Variants in PHACTR4 observed in about 807,000 individuals in gnomAD.
PHACTR4 encodes phosphatase and actin regulator 4, also known as protein phosphatase 1, regulatory subunit 124.
In PHACTR4, 51 loss-of-function variants were observed where a neutral mutation model predicts 72.7. The observed-to-expected ratio is 0.70, with a 90% CI of 0.56 to 0.89. PHACTR4 has a LOEUF of 0.89. PHACTR4 is among the 40% of genes least tolerant of loss of function. The probability of loss-of-function intolerance (pLI) is 0.00; values close to 1 mark genes in which losing one functional copy is unlikely to be tolerated. For missense variants in PHACTR4, 731 were observed against 861.8 expected, an observed-to-expected ratio of 0.85 and a Z score of 1.90; for synonymous variants, 255 against 302.5, an observed-to-expected ratio of 0.84 and a Z score of 1.63.
chr1:28,436,476 C>A (rs1021605009), intron 2 of PHACTR4, among the ~76,000 whole-genome samples: 1 of 151,992 alleles, frequency 6.6e-6, no homozygotes, highest in Non-Finnish European at 1.5e-5. Flanking sequence ...CAGGATTTGA[C>A]CTTACTAGCC....
At chr1:28,490,786 T>C (rs1240366211) in intron 10 of PHACTR4, among the ~76,000 whole-genome samples, 165 bp from the exon 11 acceptor site, 2 of 150,894 alleles carry the variant, frequency 1.3e-5, no homozygotes, top group Non-Finnish European at 2.9e-5. Flanking sequence ...GAGGTTGCAG[T>C]GAGCCAAGAT....
chr1:28,398,964 T>C, intron 1 of PHACTR4, among the ~76,000 whole-genome samples: 1 of 152,164 alleles, frequency 6.6e-6, no homozygotes. Flanking sequence ...ATACAGAAGG[T>C]ATTCCGGAAG....
intron 1 of PHACTR4, among the ~76,000 whole-genome samples, chr1:28,388,210 A>G (rs140176466): frequency 5.8e-4 from 88 of 152,186 alleles, no homozygotes; most frequent in African/African-American, 2.1e-3. Flanking sequence ...CCAAAAAAAG[A>G]TGTCACATAA....
intron 8 of PHACTR4, among the ~76,000 whole-genome samples, chr1:28,479,759 G>A (rs1660160074): frequency 1.3e-5 from 2 of 151,540 alleles, no homozygotes; most frequent in South Asian, 4.2e-4. Context: ...TGGGCGTGGT[G>A]ACCCACGCCT....
In PHACTR4 at chr1:28,480,602, C is replaced by T; in HGVS notation, c.1758C>T (p.Ile586=). The change falls in exon 9 of 14, where the codon ATC becomes ATT. Residue 586 remains isoleucine (I), a splice_region_variant and synonymous_variant. Transcript: ENST00000373839. ...GGCACCAGATTGGAAACACACTGAT[C>T]CGGTAGGCCTTTGCTTAGATTTGCT... ...EIRHQIGNTL[I]RRLSQRPTPE... The T allele has an allele frequency of 6.2e-7, 1 of 1,613,992 alleles. No individual in the cohort carries two copies. The highest frequency in any genetic ancestry group is 8.5e-7 in the Non-Finnish European group (1 of 1,179,944).
At chr1:28,419,569 A>G (rs1452351102) in intron 2 of PHACTR4, among the ~76,000 whole-genome samples, 2 of 151,956 alleles carry the variant, frequency 1.3e-5, no homozygotes, top group African/African-American at 4.8e-5. Context: ...CAGCCTGCCG[A>G]GTAGCTGGGA....
chr1:28,452,641 C>T (rs1004671500), intron 2 of PHACTR4, among the ~76,000 whole-genome samples: 2 of 150,766 alleles, frequency 1.3e-5, no homozygotes, highest in Non-Finnish European at 3.0e-5. Flanking sequence ...CTCATCTCTA[C>T]TAAGATTAGC....
Position 28,496,734 on chromosome 1 carries a change from C to G in PHACTR4, c.*185C>G. ...AGAGTCTTATGTGCTGCACCGGGGGCAAAACAACACTTTGTCAGTGCTTTT... is the reference window on the plus strand; with the variant it reads ...AGAGTCTTATGTGCTGCACCGGGGGGAAAACAACACTTTGTCAGTGCTTTT... On this transcript the variant is annotated 3_prime_UTR_variant, in exon 14 of 14. Coordinates refer to ENST00000373839, the MANE Select transcript of PHACTR4 (RefSeq NM_001048183.3). 1 of 664,642 alleles carries G rather than the reference C, an allele frequency of 1.5e-6. No homozygotes were observed. The allele number at this position is 664,642 out of a possible 1,614,324, so 41.2% of individuals were successfully genotyped here.
At chr1:28,473,361 A>T (rs181257950) in intron 6 of PHACTR4, among the ~76,000 whole-genome samples, 193 bp from the exon 7 acceptor site, 2 of 152,056 alleles carry the variant, frequency 1.3e-5, no homozygotes, top group African/African-American at 4.8e-5. Context: ...ACCTCTGTAC[A>T]TTTATTAAGC....
chr1:28,479,713 G>A (rs891822175), intron 8 of PHACTR4, among the ~76,000 whole-genome samples: 10 of 151,260 alleles, frequency 6.6e-5, no homozygotes, highest in African/African-American at 2.2e-4. Flanking sequence ...AACGAAACCC[G>A]AAACCCGGTG....
intron 2 of PHACTR4, among the ~76,000 whole-genome samples, chr1:28,433,462 C>CTTTTTTTTTTTTTTTTCT (rs567134987): frequency 7.7e-6 from 1 of 130,532 alleles, no homozygotes; most frequent in Admixed American, 8.1e-5. Context: ...TTCTTTTTTT[C>CTTTTTTTTTTTTTTTTCT]TTTTTTTTTT....
chr1:28,373,679 G>T (rs879410924), intron 1 of PHACTR4, among the ~76,000 whole-genome samples: 1 of 152,142 alleles, frequency 6.6e-6, no homozygotes, highest in Admixed American at 6.5e-5. Context: ...TCTCACCTCA[G>T]CCTCCCAAAG....
rs35369238 is a variant in PHACTR4 at position 28,476,772 on chromosome 1, C to CTTTTTTTTTTTTTTTTTTT, written c.1606+496_1606+497insTTTTTTTTTTTTTTTTTTT. Among the ~76,000 whole-genome samples the CTTTTTTTTTTTTTTTTTTT allele has an allele frequency of 3.3e-3, 329 of 98,324 alleles. 60 individuals carry two copies. The highest frequency in any genetic ancestry group is 6.3e-3 in the Middle Eastern group (1 of 158). The allele number at this position is 98,324 out of a possible 152,430, so 64.5% of individuals were successfully genotyped here. A position where few individuals can be genotyped will look rare whatever the true frequency, so the allele number is the denominator to read the frequency against. On this transcript the variant is annotated intron_variant, in intron 8 of 13. Transcript: ENST00000373839. ...GTCTCGTTAGGTTGCCTAGCCTGTTCTTTTTTTTTTTTTTTGAGACGGAGT... is the reference window on the plus strand; with the variant it reads ...GTCTCGTTAGGTTGCCTAGCCTGTTCTTTTTTTTTTTTTTTTTTTTTTTTTTTTTTTTTTGAGACGGAGT...
At chr1:28,477,029 C>G (rs1326471884) in intron 8 of PHACTR4, among the ~76,000 whole-genome samples, 1 of 151,218 alleles carries the variant, frequency 6.6e-6, no homozygotes, top group African/African-American at 2.4e-5. Context: ...CTCGGCCTCC[C>G]AAAGTGCTGG....
chr1:28,495,207 T>C (rs2124563777), intron 13 of PHACTR4, among the ~76,000 whole-genome samples: 1 of 152,334 alleles, frequency 6.6e-6, no homozygotes, highest in African/African-American at 2.4e-5. Context: ...ATAGGTATAG[T>C]GCTAGGTCCT....
At chr1:28,483,327 G>A (rs985335143) in intron 9 of PHACTR4, among the ~76,000 whole-genome samples, 1 of 151,790 alleles carries the variant, frequency 6.6e-6, no homozygotes, top group Non-Finnish European at 1.5e-5. Context: ...CCCAGGAGGG[G>A]CTCAAGGTCG....
At chr1:28,444,680 A>G (rs1295623836) in intron 2 of PHACTR4, among the ~76,000 whole-genome samples, 1 of 148,848 alleles carries the variant, frequency 6.7e-6, no homozygotes, top group African/African-American at 2.5e-5. Flanking sequence ...CAGTGGCGCG[A>G]TCTCGGCTCA....
intron 4 of PHACTR4, among the ~76,000 whole-genome samples, chr1:28,461,933 G>A (rs962941724): frequency 6.6e-6 from 1 of 150,652 alleles, no homozygotes; most frequent in Admixed American, 6.6e-5. Context: ...TTTTACATTA[G>A]GACACAAAAT....
At chr1:28,395,638 CTTTT>C (rs67388349) in intron 1 of PHACTR4, among the ~76,000 whole-genome samples, 3 of 112,446 alleles carry the variant, frequency 2.7e-5, no homozygotes, top group Admixed American at 9.1e-5. Flanking sequence ...TTAAGCATAA[CTTTT>C]TTTTTTTTTT....
Sources: gnomAD v4.1 joint callset for allele counts (sites outside exome capture counted in the v4.1 genomes callset) on GRCh38, gnomAD v4.1.1 for gene constraint, MANE v1.5 for transcripts, NCBI Gene and HGNC (gene_info 2026-07-23, HGNC 2026-07-21) for gene names.